FLG2: variants seen among roughly 807,000 people sequenced by gnomAD.
FLG2 encodes the protein filaggrin 2.
Under a neutral mutation model 3.9 loss-of-function variants are expected in FLG2, and 7 were observed. The ratio of observed to expected loss-of-function variants is 1.79; its 90% CI spans 1.02 to 3.36. The LOEUF (loss-of-function observed/expected upper bound fraction) is 3.36. Ranked by LOEUF, FLG2 falls within the 30% of genes most tolerant of loss-of-function variation. The pLI is 0.00. For synonymous variants in FLG2, 1,031 were observed against 1,056.1 expected, an observed-to-expected ratio of 0.98 and a Z score of 0.46; for missense variants, 2,700 against 2,809.4, an observed-to-expected ratio of 0.96 and a Z score of 0.88.
chr1:152,352,464 T>C lies in FLG2; in HGVS notation c.5322A>G (p.Thr1774=), dbSNP rs1653986909. 1 of 1,613,466 alleles carries C rather than the reference T, an allele frequency of 6.2e-7. No individual in the cohort carries two copies. The highest frequency in any genetic ancestry group is 1.3e-5 in the African/African-American group (1 of 74,708). Residue 1774 remains threonine (T), a synonymous_variant, in exon 3 of 3, where the codon ACA becomes ACG. Coordinates refer to ENST00000388718, the MANE Select transcript of FLG2 (RefSeq NM_001014342.3). The stretch of plus-strand genomic sequence containing the variant: ...AGTGGGCATGTCTGGTGGTATCGCC[T>C]GTCTGTCCATGTATAGTTCCATGTC... ...HERHGTIHGQ[T]GDTTRHAHSG...
chr1:152,357,841 G>C (rs974892822), intron 2 of FLG2, among the ~76,000 whole-genome samples, 194 bp from the exon 3 acceptor site: 4 of 152,140 alleles, frequency 2.6e-5, no homozygotes, highest in Non-Finnish European at 4.4e-5. Flanking sequence ...GGGATCCTCA[G>C]AAGAAGACAT....
rs772779485 is a variant in FLG2 at position 152,354,891 on chromosome 1, T to A, written c.2895A>T (p.Gly965=). The A allele has an allele frequency of 1.9e-6, 3 of 1,613,014 alleles. No homozygotes were observed. In the African/African-American group the frequency reaches 4.0e-5, roughly 22 times the overall value. ...SGQSSGFGQH[G]SGSGQSSGFG... ...AGCCAGAGGACTGACCTGAGCCTGA[T>A]CCATGTTGGCCAAAGCCAGAGGATT... is the stretch of plus-strand genomic sequence containing the variant. Residue 965 remains glycine, a synonymous_variant, in exon 3 of 3, where the codon GGA becomes GGT. Coordinates refer to ENST00000388718, the MANE Select transcript of FLG2 (RefSeq NM_001014342.3).
rs1653915348 is a variant in FLG2, at chr1:152,351,428, T to G, written c.6358A>C (p.Thr2120Pro). The change falls in exon 3 of 3, where the codon ACA (threonine) becomes CCA (proline). Residue 2120 changes from threonine to proline, a missense_variant. Coordinates refer to ENST00000388718, the MANE Select transcript of FLG2 (RefSeq NM_001014342.3). ...DSEVHSGVSH[T>P]HSGHTYGQAR... ...TGGCCATAAGTGTGTCCTGAATGTG[T>G]GTGTGAGACCCCTGAGTGCACTTCA... is the stretch of plus-strand genomic sequence containing the variant. 3 of 1,613,468 alleles carry G rather than the reference T, an allele frequency of 1.9e-6. No homozygotes were observed. Among genetic ancestry groups the G allele is most frequent in the Non-Finnish European group, 2.5e-6 (3 of 1,179,852 alleles).
In FLG2 at chr1:152,351,049, C is replaced by T; in HGVS notation, c.6737G>A (p.Arg2246Lys). The T allele has an allele frequency of 6.2e-7, 1 of 1,613,370 alleles. No homozygotes were observed. The highest frequency in any genetic ancestry group is 8.5e-7 in the Non-Finnish European group (1 of 1,179,838). Reference sequence around the variant, plus strand: ...GCCAGATCCCCTTCTTCCAGTTGTCCTGGACCCTCTCTGTGTGGATTGTCC... The same window carrying T: ...GCCAGATCCCCTTCTTCCAGTTGTCTTGGACCCTCTCTGTGTGGATTGTCC... ...GYGQSTQRGS[R>K]TTGRRGSGHS... The change falls in exon 3 of 3, where the codon AGG becomes AAG. Residue 2246 changes from arginine to lysine, a missense_variant. Physicochemically the swap from Arg to Lys is conservative, Grantham distance 26. Transcript: ENST00000388718.
In FLG2 at chr1:152,354,812, A is replaced by T; in HGVS notation, c.2974T>A (p.Ser992Thr). ...GKSSGFGQHE[S>T]RSSQSNYGQH... ...CCATAATTAGACTGACTTGATCTAG[A>T]CTCATGCTGTCCAAAGCCAGAGGAT... The change falls in exon 3 of 3, where the codon TCT becomes ACT. Residue 992 changes from serine to threonine, a missense_variant. Coordinates refer to ENST00000388718, the MANE Select transcript of FLG2 (RefSeq NM_001014342.3). 6.2e-7 allele frequency: 1 copy of T among 1,612,480 alleles called. No individual in the cohort carries two copies. The highest frequency in any genetic ancestry group is 1.1e-5 in the South Asian group (1 of 91,030).
In FLG2 at chr1:152,352,508, C is replaced by T. The variant is rs766937739; in HGVS notation, c.5278G>A (p.Glu1760Lys). 57 of 1,613,412 alleles carry T rather than the reference C, an allele frequency of 3.5e-5. No individual in the cohort carries two copies. The highest frequency in any genetic ancestry group is 2.5e-5 in the Non-Finnish European group (30 of 1,179,888). ...GQARSQHGES[E>K]SIVHERHGTI... ...CCATGTCTCTCATGAACTATGGATT[C>T]TGACTCTCCATGTTGAGATCTGGCT... Residue 1760 changes from glutamate to lysine, a missense_variant, in exon 3 of 3, where the codon GAA becomes AAA. Coordinates refer to ENST00000388718, the MANE Select transcript of FLG2 (RefSeq NM_001014342.3).
chr1:152,353,406 T>C lies in FLG2; in HGVS notation c.4380A>G (p.Thr1460=). Residue 1460 remains threonine (T), a synonymous_variant, in exon 3 of 3, where the codon ACA becomes ACG. Coordinates refer to ENST00000388718, the MANE Select transcript of FLG2 (RefSeq NM_001014342.3). ...AGSQHGESGS[T]VHGRHGTTHG... Reference sequence around the variant, plus strand: ...GAGTAGTTCCGTGTCTCCCATGAACTGTGGATCCTGACTCTCCATGTTGAG... The same window carrying C: ...GAGTAGTTCCGTGTCTCCCATGAACCGTGGATCCTGACTCTCCATGTTGAG... 6.2e-7 allele frequency: 1 copy of C among 1,613,332 alleles called. No homozygotes were observed. Among genetic ancestry groups the C allele is most frequent in the South Asian group, 1.1e-5 (1 of 91,044 alleles).
chr1:152,354,432 A>T lies in FLG2; in HGVS notation c.3354T>A (p.Tyr1118Ter). The T allele has an allele frequency of 6.2e-7, 1 of 1,614,178 alleles. No individual in the cohort carries two copies. Among genetic ancestry groups the T allele is most frequent in the Non-Finnish European group, 8.5e-7 (1 of 1,180,018 alleles). Residue 1118 changes from tyrosine (Y) to a stop codon, truncating the protein, a stop_gained, in exon 3 of 3, where the codon TAT (tyrosine) becomes TAA (stop). Transcript: ENST00000388718. LOFTEE classifies it low-confidence loss of function (END_TRUNC). ...CAGAAGACTGACCTGAGCCCGATCCATATTGGCCAAAGCCAGAGGACTGAC... is the reference window on the plus strand; with the variant it reads ...CAGAAGACTGACCTGAGCCCGATCCTTATTGGCCAAAGCCAGAGGACTGAC... ...GSGQSSGFGQ[Y>*]GSGSGQSSGF...
In FLG2 at chr1:152,352,981, G is replaced by C. The variant is rs758485650; in HGVS notation, c.4805C>G (p.Ala1602Gly). 4 of 1,613,284 alleles carry C rather than the reference G, an allele frequency of 2.5e-6. No homozygotes were observed. Among genetic ancestry groups the C allele is most frequent in the Non-Finnish European group, 3.4e-6 (4 of 1,179,864 alleles). ...TTCTGGCTCTTCATGTTGAGATCCG[G>C]CTTGGCCGTAAGTGTGTTCTCGTGA... ...PHSREHTYGQAGSQHEEPEFT... is the reference protein window; with the variant it reads ...PHSREHTYGQGGSQHEEPEFT... Residue 1602 changes from alanine (A) to glycine (G), a missense_variant, in exon 3 of 3, where the codon GCC (alanine) becomes GGC (glycine). By Grantham distance (60) the Ala-to-Gly change is moderately conservative. Coordinates refer to ENST00000388718, the MANE Select transcript of FLG2 (RefSeq NM_001014342.3).
At position 152,353,506 on chromosome 1, in the gene FLG2, G is replaced by A. The variant is rs1415291453; in HGVS notation, c.4280C>T (p.Ser1427Phe). 1.2e-6 allele frequency: 2 copies of A among 1,613,212 alleles called. No homozygotes were observed. The highest frequency in any genetic ancestry group is 1.7e-5 in the Admixed American group (1 of 59,940). Reference sequence around the variant, plus strand: ...CCCTGAGTGCACTTCACTGTCACTGGACTCACTATGGCCAGATCCCCTTCT... The same window carrying A: ...CCCTGAGTGCACTTCACTGTCACTGAACTCACTATGGCCAGATCCCCTTCT... ...TGRRGSGHSE[S>F]SDSEVHSGGS... is the part of the protein sequence containing the mutation. The change falls in exon 3 of 3, where the codon TCC (serine) becomes TTC (phenylalanine). Residue 1427 changes from serine to phenylalanine, a missense_variant. Coordinates refer to ENST00000388718, the MANE Select transcript of FLG2 (RefSeq NM_001014342.3).
rs750900984 is a variant in FLG2 at position 152,353,061 on chromosome 1, G to T, written c.4725C>A (p.Ser1575Arg). Residue 1575 changes from serine to arginine, a missense_variant, in exon 3 of 3, where the codon AGC (serine) becomes AGA (arginine). By Grantham distance (110) the Ser-to-Arg change is moderately radical (BLOSUM62 -1). Transcript: ENST00000388718. ...GSRTTGRQRT[S>R]HSESTDSEVH... ...CTTCACTGTCAGTGGACTCACTGTG[G>T]CTAGTTCTCTGTCTTCCAGTTGTCC... The T allele has an allele frequency of 6.2e-7, 1 of 1,613,442 alleles. No individual in the cohort carries two copies.
Position 152,351,254 on chromosome 1 carries a change from A to G in FLG2, c.6532T>C (p.Ser2178Pro), listed in dbSNP as rs773021806. 1.9e-6 allele frequency: 3 copies of G among 1,612,278 alleles called. No individual in the cohort carries two copies. The highest frequency in any genetic ancestry group is 2.2e-5 in the South Asian group (2 of 91,002). Residue 2178 changes from serine to proline, a missense_variant, in exon 3 of 3, where the codon TCT becomes CCT. Ser to Pro is a moderately conservative substitution (Grantham distance 74). Transcript: ENST00000388718. ...CTATCACTGGACTCACTGTGACTAG[A>G]TCTTTGTCTTCCAGTTGTCCTGGAA... is the stretch of plus-strand genomic sequence containing the variant. ...TGSRTTGRQR[S>P]SHSESSDSEV...
rs1452067531 is a variant in FLG2, at chr1:152,350,977, G to C, written c.6809C>G (p.Thr2270Arg). 6.2e-7 allele frequency: 1 copy of C among 1,613,840 alleles called. No individual in the cohort carries two copies. Among genetic ancestry groups the C allele is most frequent in the East Asian group, 2.2e-5 (1 of 44,868 alleles). ...DSEVHSWGSH[T>R]HSGHIQGQAG... The stretch of plus-strand genomic sequence containing the variant: ...TTGGCCCTGAATGTGTCCTGAATGT[G>C]TGTGTGAGCCCCATGAGTGCACTTC... Residue 2270 changes from threonine to arginine, a missense_variant, in exon 3 of 3, where the codon ACA becomes AGA. Physicochemically the swap from Thr to Arg is moderately conservative, Grantham distance 71. Coordinates refer to ENST00000388718, the MANE Select transcript of FLG2 (RefSeq NM_001014342.3).
At position 152,352,916 on chromosome 1, in the gene FLG2, T is replaced by C. The variant is rs1376833869; in HGVS notation, c.4870A>G (p.Ile1624Val). 1 of 1,613,860 alleles carries C rather than the reference T, an allele frequency of 6.2e-7. No homozygotes were observed. The highest frequency in any genetic ancestry group is 1.1e-5 in the South Asian group (1 of 91,064). ...HERHGTTHGQ[I>V]GDTTGHSHSG... ...TGGGAATGTCCAGTGGTATCTCCTA[T>C]CTGTCCATGAGTAGTTCCGTGTCTC... The change falls in exon 3 of 3, where the codon ATA (isoleucine) becomes GTA (valine). Residue 1624 changes from isoleucine to valine, a missense_variant. Physicochemically the swap from Ile to Val is conservative, Grantham distance 29. Transcript: ENST00000388718.
At position 152,351,583 on chromosome 1, in the gene FLG2, C is replaced by T. The variant is rs372918296; in HGVS notation, c.6203G>A (p.Arg2068Lys). 3 of 1,611,896 alleles carry T rather than the reference C, an allele frequency of 1.9e-6. No homozygotes were observed. Among genetic ancestry groups the T allele is most frequent in the Non-Finnish European group, 2.5e-6 (3 of 1,179,632 alleles). The part of the protein sequence containing the change: ...HGESGSSVHE[R>K]HGTTHGQTGD... ...TGTCTGTCCATGAGTAGTTCCGTGT[C>T]TCTCATGAACTGAGGATCCTGACTC... Residue 2068 changes from arginine to lysine, a missense_variant, in exon 3 of 3, where the codon AGA (arginine) becomes AAA (lysine). Transcript: ENST00000388718.
At position 152,355,882 on chromosome 1, in the gene FLG2, C is replaced by A; in HGVS notation, c.1904G>T (p.Gly635Val). The change falls in exon 3 of 3, where the codon GGG (glycine) becomes GTG (valine). Residue 635 changes from glycine to valine, a missense_variant. By Grantham distance (109) the Gly-to-Val change is moderately radical (BLOSUM62 -3). Coordinates refer to ENST00000388718, the MANE Select transcript of FLG2 (RefSeq NM_001014342.3). Reference protein sequence around the residue: ...SSQSSGYGQHGSRQTSGFGQH... With the variant: ...SSQSSGYGQHVSRQTSGFGQH... ...TCCAAAGCCAGATGTCTGTCTAGAC[C>A]CATGTTGGCCATAGCCAGATGACTG... The A allele has an allele frequency of 1.9e-6, 3 of 1,611,602 alleles. No individual in the cohort carries two copies. The highest frequency in any genetic ancestry group is 2.5e-6 in the Non-Finnish European group (3 of 1,179,758).
At position 152,356,830 on chromosome 1, in the gene FLG2, G is replaced by C; in HGVS notation, c.956C>G (p.Ser319Ter). 6.2e-7 allele frequency: 1 copy of C among 1,614,114 alleles called. No homozygotes were observed. Among genetic ancestry groups the C allele is most frequent in the Non-Finnish European group, 8.5e-7 (1 of 1,180,022 alleles). The change falls in exon 3 of 3, where the codon TCA (serine) becomes TGA (stop). Residue 319 changes from serine to a stop codon, truncating the protein, a stop_gained. Transcript: ENST00000388718. LOFTEE classifies it low-confidence loss of function (END_TRUNC). ...QFSYIQSGCQSGIKGGQGHGC... is the reference protein window; with the variant it reads ...QFSYIQSGCQ ...ATGGCCTTGTCCTCCCTTAATTCCT[G>C]ACTGACAGCCTGACTGAATATAGCT...
In FLG2 at chr1:152,355,688, A is replaced by G; in HGVS notation, c.2098T>C (p.Ser700Pro). Residue 700 changes from serine (S) to proline (P), a missense_variant, in exon 3 of 3, where the codon TCA becomes CCA. Physicochemically the swap from Ser to Pro is moderately conservative, Grantham distance 74. Transcript: ENST00000388718. ...TGACCATAGCCAGATGATTGACTTG[A>G]GCCAAAACCATGTTGGCCATAGCTA... Reference protein sequence around the residue: ...HSSYGQHGFGSSQSSGYGQHG... With the variant: ...HSSYGQHGFGPSQSSGYGQHG... 3.1e-6 allele frequency: 5 copies of G among 1,613,890 alleles called. No homozygotes were observed. Among genetic ancestry groups the G allele is most frequent in the Non-Finnish European group, 3.4e-6 (4 of 1,179,996 alleles).
At position 152,352,010 on chromosome 1, in the gene FLG2, T is replaced by A; in HGVS notation, c.5776A>T (p.Thr1926Ser). ...HKRHQTTHGQTGDTTEHGHPS... is the reference protein window; with the variant it reads ...HKRHQTTHGQSGDTTEHGHPS... ...TGGCCATGTTCAGTGGTATCTCCTG[T>A]CTGTCCATGAGTAGTTTGGTGTCTC... is the stretch of plus-strand genomic sequence containing the variant. Residue 1926 changes from threonine to serine, a missense_variant, in exon 3 of 3, where the codon ACA becomes TCA. Coordinates refer to ENST00000388718, the MANE Select transcript of FLG2 (RefSeq NM_001014342.3). 2.5e-6 allele frequency: 4 copies of A among 1,613,978 alleles called. No individual in the cohort carries two copies. The highest frequency in any genetic ancestry group is 1.7e-5 in the Admixed American group (1 of 59,990).
Sources: allele counts gnomAD v4.1 joint callset (sites outside exome capture counted in the v4.1 genomes callset), GRCh38; gene constraint gnomAD v4.1.1; transcripts MANE v1.5; gene names NCBI Gene and HGNC (gene_info 2026-07-23, HGNC 2026-07-21).